Variants in CDH2 observed in about 807,000 individuals in gnomAD.
The protein encoded by CDH2 is cadherin-2.
In CDH2, 17 loss-of-function variants were observed where a neutral mutation model predicts 92.0. The ratio of observed to expected loss-of-function variants is 0.18; its 90% CI spans 0.13 to 0.28. CDH2 has a LOEUF of 0.28. Among genes scored for constraint, CDH2 ranks in the 10% least tolerant of loss-of-function variants. The pLI is 1.00. For synonymous variants in CDH2, 419 were observed against 415.9 expected (o/e 1.01, Z -0.09); for missense variants, 862 against 1,133.1 (o/e 0.76, Z 3.44).
rs1909480106 is a variant in CDH2, at chr18:27,952,061, A to G, written c.*92T>C. ...CCTCCAGCAAGCACTGTGCTAGTAG[A>G]CTACAAAGTTAAAGCCTAGCTTCTG... On this transcript the variant is annotated 3_prime_UTR_variant, in exon 16 of 16. Transcript: ENST00000269141. 8.9e-7 allele frequency: 1 copy of G among 1,121,114 alleles called. No homozygotes were observed. Among genetic ancestry groups the G allele is most frequent in the Admixed American group, 1.7e-5 (1 of 58,614 alleles). 69.4% of individuals were successfully genotyped at this position (1,121,114 alleles called of 1,614,324 possible).
chr18:28,027,093 G>T (rs1171515890), intron 2 of CDH2, among the ~76,000 whole-genome samples: 1 of 152,094 alleles, frequency 6.6e-6, no homozygotes, highest in African/African-American at 2.4e-5. Flanking sequence ...CCCCCATGGA[G>T]AACTGCCCTG....
intron 1 of CDH2, among the ~76,000 whole-genome samples, chr18:28,166,379 C>T (rs1020666524): frequency 6.6e-6 from 1 of 151,770 alleles, no homozygotes; most frequent in Non-Finnish European, 1.5e-5. Flanking sequence ...TAAAACACAG[C>T]TTCATCAAGA....
chr18:27,996,239 T>C (rs892090747), intron 7 of CDH2, among the ~76,000 whole-genome samples: 2 of 152,128 alleles, frequency 1.3e-5, no homozygotes, highest in African/African-American at 4.8e-5. Context: ...GTCATTCCAT[T>C]TGGCATTCTC....
chr18:28,112,927 C>T (rs1278444892), intron 2 of CDH2, among the ~76,000 whole-genome samples: 4 of 152,080 alleles, frequency 2.6e-5, no homozygotes, highest in African/African-American at 4.8e-5. Context: ...ATCAAAGAGG[C>T]CAAATCTGTG....
At chr18:27,966,648 G>C (rs1402939034) in intron 14 of CDH2, among the ~76,000 whole-genome samples, 5 of 152,226 alleles carry the variant, frequency 3.3e-5, no homozygotes, top group Non-Finnish European at 7.3e-5. Flanking sequence ...CTACAGCTGA[G>C]AGCAGTTGTC....
At chr18:28,113,521 G>A (rs1237001546) in intron 2 of CDH2, among the ~76,000 whole-genome samples, 2 of 149,776 alleles carry the variant, frequency 1.3e-5, no homozygotes, top group Non-Finnish European at 3.0e-5. Context: ...GTTTACCAAA[G>A]ACGTGGCACA....
At chr18:28,170,570 C>T (rs1187060804) in intron 1 of CDH2, among the ~76,000 whole-genome samples, 16 of 152,072 alleles carry the variant, frequency 1.1e-4, no homozygotes, top group Admixed American at 9.8e-4. Context: ...TGGTCTTGAT[C>T]TCCTAACCTC....
downstream of CDH2, among the ~76,000 whole-genome samples, chr18:27,947,349 A>G (rs957689890): frequency 2.6e-5 from 4 of 151,860 alleles, no homozygotes; most frequent in East Asian, 5.8e-4. Flanking sequence ...AAATTCCATG[A>G]AAGTATATAC....
At chr18:27,948,055 G>A (rs1204841111), downstream of CDH2, among the ~76,000 whole-genome samples, 5 of 148,234 alleles carry the variant, frequency 3.4e-5, no homozygotes, top group African/African-American at 1.2e-4. Context: ...GTGTGTATAC[G>A]GTAAAGAATG....
At chr18:28,152,129 T>C (rs2016133020) in intron 1 of CDH2, among the ~76,000 whole-genome samples, 1 of 152,176 alleles carries the variant, frequency 6.6e-6, no homozygotes, top group African/African-American at 2.4e-5. Flanking sequence ...CCGTATCACA[T>C]TGTTATCTCA....
rs2011590160 is a variant in CDH2, at chr18:27,968,879, A to G, written c.2350-5358T>C. On this transcript the variant is annotated intron_variant, in intron 14 of 15. Transcript: ENST00000269141. ...AAAAGCTGACTGCGGCACAGGCAAG[A>G]AACTTCAGACACAAAAAGAAATGGA... Among the ~76,000 whole-genome samples, 3 of 152,232 alleles carry G rather than the reference A, an allele frequency of 2.0e-5. No homozygotes were observed. In the South Asian group the frequency reaches 6.2e-4, roughly 32 times the overall value.
intron 1 of CDH2, among the ~76,000 whole-genome samples, chr18:28,149,552 T>C (rs940206298): frequency 1.1e-4 from 16 of 151,986 alleles, no homozygotes; most frequent in Admixed American, 3.9e-4. Context: ...GTATGAAATC[T>C]TGCAAAAAAA....
At chr18:28,166,149 C>CATATATATATAT (rs35562216) in intron 1 of CDH2, among the ~76,000 whole-genome samples, 12,304 of 59,010 alleles carry the variant, frequency 0.21, 1,805 homozygotes, top group Middle Eastern at 0.37. Flanking sequence ...CAGACACACT[C>CATATATATATAT]ATATATATAT....
At chr18:28,043,492 ATAAATATAT>A (rs1567976492) in intron 2 of CDH2, among the ~76,000 whole-genome samples, 1 of 75,146 alleles carries the variant, frequency 1.3e-5, no homozygotes, top group Non-Finnish European at 2.5e-5. Context: ...ATATATATAT[ATAAATATAT>A]ATATATATAT....
In CDH2 at chr18:27,993,344, C is replaced by T. The variant is rs1662734; in HGVS notation, c.1158+156G>A. ...AGAAACAAATTACTTGGATGCCTCACGTAAGGCCCTGATGACAGAAATGTC... is the reference window on the plus strand; with the variant it reads ...AGAAACAAATTACTTGGATGCCTCATGTAAGGCCCTGATGACAGAAATGTC... On this transcript the variant is annotated intron_variant, in intron 8 of 15. Coordinates refer to ENST00000269141, the MANE Select transcript of CDH2 (RefSeq NM_001792.5). 0.99 allele frequency among the ~76,000 whole-genome samples: 150,672 copies of T among 152,312 alleles called. 74,555 individuals carry two copies. The highest frequency in any genetic ancestry group is 1 in the Middle Eastern group (294 of 294).
At chr18:28,008,011 G>T (rs1038083102) in intron 5 of CDH2, among the ~76,000 whole-genome samples, 3 of 152,108 alleles carry the variant, frequency 2.0e-5, no homozygotes, top group African/African-American at 7.2e-5. Flanking sequence ...TAGGATTCCG[G>T]GCGTGAGCCA....
intron 2 of CDH2, among the ~76,000 whole-genome samples, chr18:28,118,266 A>T (rs2015529085): frequency 6.6e-6 from 1 of 152,130 alleles, no homozygotes; most frequent in African/African-American, 2.4e-5. Context: ...ACAGAAATGC[A>T]ACAGGAAAAA....
chr18:28,152,924 G>T (rs964900881), intron 1 of CDH2, among the ~76,000 whole-genome samples: 5 of 152,138 alleles, frequency 3.3e-5, no homozygotes, highest in Non-Finnish European at 7.4e-5. Flanking sequence ...CTGAGGCAGG[G>T]ACTCACTGGG....
chr18:27,958,584 C>T (rs2011314913), intron 15 of CDH2, among the ~76,000 whole-genome samples: 1 of 149,526 alleles, frequency 6.7e-6, no homozygotes, highest in African/African-American at 2.4e-5. Context: ...TGTATATACA[C>T]ATATATAAAT....
Sources: allele counts gnomAD v4.1 joint callset (sites outside exome capture counted in the v4.1 genomes callset), GRCh38; gene constraint gnomAD v4.1.1; transcripts MANE v1.5; gene names NCBI Gene and HGNC (gene_info 2026-07-23, HGNC 2026-07-21).